SCUBE2: variants seen among roughly 807,000 people sequenced by gnomAD.
The protein encoded by SCUBE2 is signal peptide, CUB and EGF-like domain-containing protein 2.
SCUBE2 carries 114 observed loss-of-function variants against 125.9 expected under a neutral mutation model. The ratio of observed to expected loss-of-function variants is 0.91; its 90% CI spans 0.78 to 1.06. The LOEUF (loss-of-function observed/expected upper bound fraction) is 1.06. Ranked by LOEUF, SCUBE2 falls within the 50% of genes least tolerant of loss-of-function variation. SCUBE2 has a pLI of 0.00. For synonymous variants in SCUBE2, 459 were observed against 492.9 expected, an observed-to-expected ratio of 0.93 and a Z score of 0.91; for missense variants, 1,255 against 1,301.8, an observed-to-expected ratio of 0.96 and a Z score of 0.55.
At position 9,022,745 on chromosome 11, in the gene SCUBE2, C is replaced by T. The variant is rs11820633; in HGVS notation, c.2855-790G>A. The T allele has an allele frequency of 9.8e-3, 1,491 of 152,768 alleles. 17 individuals are homozygous for T. Among genetic ancestry groups the T allele is most frequent in the African/African-American group, 0.034 (1,415 of 41,542 alleles). 9.5% of individuals were successfully genotyped at this position (152,768 alleles called of 1,614,324 possible). The stretch of plus-strand genomic sequence containing the variant: ...TCTCTGAGGCTTCTTTGCTTTTCTT[C>T]TTCTCTCTGACCTATTACCAAAGGA... On this transcript the variant is annotated intron_variant, in intron 21 of 22. Transcript: ENST00000649792.
chr11:9,090,543 C>T (rs1223118442), intron 1 of SCUBE2, among the ~76,000 whole-genome samples: 2 of 147,754 alleles, frequency 1.4e-5, no homozygotes, highest in African/African-American at 2.5e-5. Flanking sequence ...TTATGTGTGG[C>T]CCAATTCTTC....
rs1860575731 is a variant in SCUBE2 at position 9,069,506 on chromosome 11, G to A, written c.518-11C>T. 1 of 1,614,064 alleles carries A rather than the reference G, an allele frequency of 6.2e-7. No individual in the cohort carries two copies. Among genetic ancestry groups the A allele is most frequent in the East Asian group, 2.2e-5 (1 of 44,888 alleles). ...TGCAGCTCAGGCCCTCTGAAAAACA[G>A]CAGTGTGCGACAGGTGACTAGGCTG... On this transcript the variant is annotated splice_polypyrimidine_tract_variant and intron_variant, in intron 4 of 22. Coordinates refer to ENST00000649792, the MANE Select transcript of SCUBE2 (RefSeq NM_001367977.2).
intron 4 of SCUBE2, among the ~76,000 whole-genome samples, chr11:9,071,921 C>T (rs752056932): frequency 2.6e-5 from 4 of 151,962 alleles, no homozygotes; most frequent in Non-Finnish European, 5.9e-5. Context: ...GGAACAAAGG[C>T]GGGCCGGGGG....
At chr11:9,060,240 T>C (rs1002608473) in intron 8 of SCUBE2, among the ~76,000 whole-genome samples, 168 bp downstream of exon 8, 1 of 152,248 alleles carries the variant, frequency 6.6e-6, no homozygotes, top group African/African-American at 2.4e-5. Context: ...TACTCAGTTA[T>C]AACCTTCCAC....
At chr11:9,025,264 T>A (rs1268957347) in intron 21 of SCUBE2, among the ~76,000 whole-genome samples, 1 of 152,210 alleles carries the variant, frequency 6.6e-6, no homozygotes, top group Non-Finnish European at 1.5e-5. Context: ...AAAGCCACAA[T>A]CATCAGAAGT....
At chr11:9,029,494 A>T (rs1241209555) in intron 19 of SCUBE2, among the ~76,000 whole-genome samples, 1 of 152,138 alleles carries the variant, frequency 6.6e-6, no homozygotes, top group Non-Finnish European at 1.5e-5. Flanking sequence ...CTGCAGCCTC[A>T]CTGCCTGAGC....
intron 5 of SCUBE2, among the ~76,000 whole-genome samples, chr11:9,067,967 AG>A (rs1374201854): frequency 6.7e-6 from 1 of 148,366 alleles, no homozygotes; most frequent in Non-Finnish European, 1.5e-5. Flanking sequence ...GAAGATCTGG[AG>A]GTGGGAAAAT....
chr11:9,060,415 T>G lies in SCUBE2; in HGVS notation c.960A>C (p.Thr320=). The change falls in exon 8 of 23, where the codon ACA becomes ACC. Residue 320 remains threonine (T), a synonymous_variant. Coordinates refer to ENST00000649792, the MANE Select transcript of SCUBE2 (RefSeq NM_001367977.2). The part of the protein sequence containing the change: ...VGFTLQLDGK[T]CKDIDECQTR... The stretch of plus-strand genomic sequence containing the variant: ...TGGGGAGGTGAAGGCTACCTTTACA[T>G]GTCTTCCCATCCAACTGGAGAGTGA... 6.2e-7 allele frequency: 1 copy of G among 1,613,426 alleles called. No individual in the cohort carries two copies. The highest frequency in any genetic ancestry group is 8.5e-7 in the Non-Finnish European group (1 of 1,179,364).
chr11:9,078,940 C>A (rs1293385885), intron 3 of SCUBE2, among the ~76,000 whole-genome samples: 1 of 152,142 alleles, frequency 6.6e-6, no homozygotes, highest in Non-Finnish European at 1.5e-5. Context: ...TGGAAGATTT[C>A]TGTTTTAGTT....
Position 9,060,393 on chromosome 11 carries a change from G to T in SCUBE2, c.967+15C>A. On this transcript the variant is annotated intron_variant, in intron 8 of 22. Transcript: ENST00000649792. ...ATAACAGGGCACCCAGTCTCCCTGG[G>T]GAGGTGAAGGCTACCTTTACATGTC... 6.3e-7 allele frequency: 1 copy of T among 1,596,240 alleles called. No individual in the cohort carries two copies. Among genetic ancestry groups the T allele is most frequent in the Non-Finnish European group, 8.6e-7 (1 of 1,163,858 alleles).
rs1291867710 is a variant in SCUBE2, at chr11:9,091,439, C to T, written c.90G>A (p.Gly30=). The T allele has an allele frequency of 1.5e-6, 2 of 1,338,486 alleles. No homozygotes were observed. The highest frequency in any genetic ancestry group is 1.9e-6 in the Non-Finnish European group (2 of 1,047,242). 82.9% of individuals were successfully genotyped at this position (1,338,486 alleles called of 1,614,324 possible). A position where few individuals can be genotyped will look rare whatever the true frequency, so the allele number is the denominator to read the frequency against. ...CACGGCCCCGACCCGGCGGGACGGC[C>T]CCCGCCAGCAGCAGCAGTGGCGGCA... is the stretch of plus-strand genomic sequence containing the variant. The part of the protein sequence containing the change: ...LLLPPLLLLA[G]AVPPGRGRAA... Residue 30 remains glycine, a synonymous_variant, in exon 1 of 23, where the codon GGG becomes GGA. Coordinates refer to ENST00000649792, the MANE Select transcript of SCUBE2 (RefSeq NM_001367977.2). The surrounding 1 kb of genome is among the most constrained non-coding windows in gnomAD (Gnocchi z 8.5).
In SCUBE2 at chr11:9,069,467, G is replaced by T; in HGVS notation, c.546C>A (p.His182Gln). Residue 182 changes from histidine to glutamine, a missense_variant, in exon 5 of 23, where the codon CAC (histidine) becomes CAA (glutamine). Coordinates refer to ENST00000649792, the MANE Select transcript of SCUBE2 (RefSeq NM_001367977.2). ...CCTCCTTGCAGATGTGACTACAGCC[G>T]TGATCCTTATTCATGCAGCTCAGGC... The part of the protein sequence containing the change: ...EEGLSCMNKD[H>Q]GCSHICKEAP... The T allele has an allele frequency of 6.2e-7, 1 of 1,614,216 alleles. No homozygotes were observed. Among genetic ancestry groups the T allele is most frequent in the Non-Finnish European group, 8.5e-7 (1 of 1,180,038 alleles).
chr11:9,029,293 A>G (rs1355065013), intron 19 of SCUBE2, among the ~76,000 whole-genome samples: 1 of 152,174 alleles, frequency 6.6e-6, no homozygotes, highest in African/African-American at 2.4e-5. Context: ...TCCCTTCGGC[A>G]CATTCTAGCC....
intron 17 of SCUBE2, 122 bp from the exon 18 acceptor site, chr11:9,031,047 G>A: frequency 1.2e-6 from 1 of 833,854 alleles, no homozygotes; most frequent in South Asian, 1.8e-5. Context: ...TCCCACCTCA[G>A]TCAGAGAGCA....
intron 10 of SCUBE2, among the ~76,000 whole-genome samples, chr11:9,054,725 A>ATAT (rs1368153935): frequency 1.5e-3 from 34 of 22,350 alleles, no homozygotes; most frequent in Non-Finnish European, 1.8e-3. Context: ...ATATATATAT[A>ATAT]TTTTTTTTTT....
chr11:9,061,344 C>T (rs1450529942), intron 7 of SCUBE2, among the ~76,000 whole-genome samples: 1 of 151,942 alleles, frequency 6.6e-6, no homozygotes, highest in Admixed American at 6.6e-5. Flanking sequence ...ATCACCTGAG[C>T]CCAGGGGTTC....
At chr11:9,073,936 C>T (rs577000472) in intron 4 of SCUBE2, among the ~76,000 whole-genome samples, 5 of 152,262 alleles carry the variant, frequency 3.3e-5, no homozygotes, top group East Asian at 3.9e-4. Flanking sequence ...TAAATGGTGA[C>T]GTAGGCGAAG....
chr11:9,023,580 G>A (rs1488591825), intron 21 of SCUBE2, among the ~76,000 whole-genome samples: 1 of 152,116 alleles, frequency 6.6e-6, no homozygotes, highest in Admixed American at 6.6e-5. Context: ...TATTTCTTCT[G>A]CTTTTAAGAA....
chr11:9,041,872 G>T (rs1042349303), intron 16 of SCUBE2, among the ~76,000 whole-genome samples: 2 of 152,124 alleles, frequency 1.3e-5, no homozygotes, highest in Middle Eastern at 3.2e-3. Flanking sequence ...CAGAGGAGAA[G>T]AATTCTGAGA....
Sources: gnomAD v4.1 joint callset for allele counts (sites outside exome capture counted in the v4.1 genomes callset) on GRCh38, gnomAD v4.1.1 for gene constraint, Gnocchi (gnomAD v3.1) non-coding constraint, MANE v1.5 for transcripts, NCBI Gene and HGNC (gene_info 2026-07-23, HGNC 2026-07-21) for gene names.